The following CNTNAP2 variants were observed in gnomAD, a reference collection of about 807,000 sequenced individuals.
CNTNAP2 encodes contactin-associated protein-like 2.
In CNTNAP2, 98 loss-of-function variants were observed where a neutral mutation model predicts 155.2. The ratio of observed to expected loss-of-function variants is 0.63; its 90% CI spans 0.54 to 0.75. CNTNAP2 has a LOEUF of 0.75. Ranked by LOEUF, CNTNAP2 falls within the 30% of genes least tolerant of loss-of-function variation. CNTNAP2 has a pLI of 0.00. For missense variants in CNTNAP2, 1,727 were observed against 1,688.1 expected, an observed-to-expected ratio of 1.02 and a Z score of -0.40; for synonymous variants, 651 against 631.2, an observed-to-expected ratio of 1.03 and a Z score of -0.47.
At chr7:146,560,610 C>T (rs774745085) in intron 1 of CNTNAP2, among the ~76,000 whole-genome samples, 89 of 152,060 alleles carry the variant, frequency 5.9e-4, no homozygotes, top group Non-Finnish European at 1.0e-3. Context: ...CTTCAGAATC[C>T]TGCCATATTA....
chr7:148,366,299 T>C (rs1373515063), intron 21 of CNTNAP2, among the ~76,000 whole-genome samples: 2 of 147,352 alleles, frequency 1.4e-5, no homozygotes, highest in Non-Finnish European at 3.0e-5. Flanking sequence ...TACATGTATA[T>C]ATGTATGTAT....
intron 3 of CNTNAP2, among the ~76,000 whole-genome samples, chr7:147,039,960 C>A: frequency 6.6e-6 from 1 of 152,150 alleles, no homozygotes; most frequent in South Asian, 2.1e-4. Flanking sequence ...CAAATGGGAT[C>A]TAATTAAACC....
intron 1 of CNTNAP2, among the ~76,000 whole-genome samples, chr7:146,621,116 T>G (rs1390129122): frequency 6.6e-6 from 1 of 152,198 alleles, no homozygotes; most frequent in Non-Finnish European, 1.5e-5. Flanking sequence ...TAAGAAGGCA[T>G]AGTGATAAGG....
chr7:146,246,121 G>A (rs1799645656), intron 1 of CNTNAP2, among the ~76,000 whole-genome samples: 2 of 151,694 alleles, frequency 1.3e-5, no homozygotes, highest in South Asian at 4.2e-4. Flanking sequence ...CATGCTATGG[G>A]ATGTGATATT....
intron 1 of CNTNAP2, among the ~76,000 whole-genome samples, chr7:146,698,971 ATTCT>A (rs1800830601): frequency 6.6e-6 from 1 of 151,994 alleles, no homozygotes; most frequent in East Asian, 1.9e-4. Context: ...CTTCCTTTCA[ATTCT>A]TTCTTGGAGT....
At position 147,073,118 on chromosome 7, in the gene CNTNAP2, TTTTC is replaced by T. The variant is rs971536268; in HGVS notation, c.550+29068_550+29071del. ...CCACCCGCCTCGGCCTCCCAAAGCCTTTTCTTTTTTTTTTTTTTTTAACTTTTAT... is the reference window on the plus strand; with the variant it reads ...CCACCCGCCTCGGCCTCCCAAAGCCTTTTTTTTTTTTTTTTTAACTTTTAT... On this transcript the variant is annotated intron_variant, in intron 4 of 23. Transcript: ENST00000361727. Among the ~76,000 whole-genome samples the T allele has an allele frequency of 1.7e-4, 12 of 69,772 alleles. 1 individual carries two copies. In the South Asian group the frequency reaches 4.3e-3, roughly 25 times the overall value. 45.8% of individuals were successfully genotyped at this position (69,772 alleles called of 152,430 possible).
At chr7:147,370,126 A>C (rs1347855833) in intron 9 of CNTNAP2, among the ~76,000 whole-genome samples, 1 of 146,752 alleles carries the variant, frequency 6.8e-6, no homozygotes, top group Non-Finnish European at 1.5e-5. Flanking sequence ...TTATATGTGC[A>C]TACTCTGTGT....
At chr7:147,018,166 G>C (rs1186649159) in intron 3 of CNTNAP2, among the ~76,000 whole-genome samples, 1 of 151,908 alleles carries the variant, frequency 6.6e-6, no homozygotes, top group Non-Finnish European at 1.5e-5. Context: ...TTTCAGTTTT[G>C]GATAATTTAT....
At chr7:148,037,404 G>A (rs947433723) in intron 15 of CNTNAP2, among the ~76,000 whole-genome samples, 6 of 152,160 alleles carry the variant, frequency 3.9e-5, no homozygotes, top group African/African-American at 1.2e-4. Flanking sequence ...TGTCCAATCC[G>A]CAGCTGTGTG....
At chr7:146,721,514 CATTCTATATAT>C (rs1169830245) in intron 1 of CNTNAP2, among the ~76,000 whole-genome samples, 1 of 114,818 alleles carries the variant, frequency 8.7e-6, no homozygotes, top group Non-Finnish European at 1.7e-5. Context: ...TCTATATATA[CATTCTATATAT>C]ATTCTATATA....
chr7:146,507,080 T>C (rs1464998405), intron 1 of CNTNAP2, among the ~76,000 whole-genome samples: 1 of 152,184 alleles, frequency 6.6e-6, no homozygotes, highest in Non-Finnish European at 1.5e-5. Flanking sequence ...TTTGCTAAGG[T>C]GGATATCTCT....
chr7:147,399,796 T>C (rs1338887013), intron 10 of CNTNAP2, among the ~76,000 whole-genome samples: 1 of 152,136 alleles, frequency 6.6e-6, no homozygotes, highest in Non-Finnish European at 1.5e-5. Context: ...CTTTGGTGTC[T>C]TTAGTTACAT....
intron 3 of CNTNAP2, among the ~76,000 whole-genome samples, chr7:146,867,556 G>A (rs1018574827): frequency 5.9e-5 from 9 of 151,962 alleles, no homozygotes; most frequent in Non-Finnish European, 1.2e-4. Flanking sequence ...TTGCTGGGTC[G>A]AATGGCAGTT....
intron 13 of CNTNAP2, among the ~76,000 whole-genome samples, chr7:147,693,169 T>C (rs1317252139): frequency 1.3e-5 from 2 of 152,096 alleles, no homozygotes; most frequent in Admixed American, 1.3e-4. Flanking sequence ...TTTACACAGA[T>C]GTATTCCTGG....
At chr7:146,757,878 A>G (rs1563218635) in intron 1 of CNTNAP2, among the ~76,000 whole-genome samples, 1 of 152,122 alleles carries the variant, frequency 6.6e-6, no homozygotes. Flanking sequence ...AACTTCAGCA[A>G]TACAGAATTC....
chr7:146,714,856 C>T (rs1331099499), intron 1 of CNTNAP2, among the ~76,000 whole-genome samples: 2 of 152,136 alleles, frequency 1.3e-5, no homozygotes, highest in South Asian at 2.1e-4. Flanking sequence ...TGTCCAGTGA[C>T]GTTCTGGGCC....
At chr7:147,314,330 C>G (rs980357618) in intron 9 of CNTNAP2, among the ~76,000 whole-genome samples, 3 of 152,122 alleles carry the variant, frequency 2.0e-5, no homozygotes, top group African/African-American at 7.2e-5. Flanking sequence ...TAGCCTTAAA[C>G]TTACATTGTC....
chr7:147,866,096 G>A (rs1408097296), intron 13 of CNTNAP2, among the ~76,000 whole-genome samples: 1 of 152,122 alleles, frequency 6.6e-6, no homozygotes, highest in Non-Finnish European at 1.5e-5. Flanking sequence ...TGCTTTAAAT[G>A]TGTCCCAGAG....
At chr7:148,109,099 G>A (rs1033430028) in intron 15 of CNTNAP2, among the ~76,000 whole-genome samples, 2 of 152,164 alleles carry the variant, frequency 1.3e-5, no homozygotes, top group Non-Finnish European at 2.9e-5. Flanking sequence ...CCCATTCCTT[G>A]GCCAAGCCCT....
Sources: allele counts gnomAD v4.1 joint callset (sites outside exome capture counted in the v4.1 genomes callset), GRCh38; gene constraint gnomAD v4.1.1; transcripts MANE v1.5; gene names NCBI Gene and HGNC (gene_info 2026-07-23, HGNC 2026-07-21).